Variants in CADM2 observed in about 807,000 individuals in gnomAD.
CADM2 encodes cell adhesion molecule 2, also known as immunoglobulin superfamily member 4D.
Under a neutral mutation model 49.8 loss-of-function variants are expected in CADM2, and 12 were observed. That is an observed-to-expected ratio of 0.24 (90% CI 0.15 to 0.39). The LOEUF (loss-of-function observed/expected upper bound fraction) is 0.39, where lower values mean the gene tolerates loss of function less well. Among genes scored for constraint, CADM2 ranks in the 10% least tolerant of loss-of-function variants. CADM2 has a pLI of 1.00. For missense variants in CADM2, 378 were observed against 492.3 expected, an observed-to-expected ratio of 0.77 and a Z score of 2.20; for synonymous variants, 214 against 175.4, an observed-to-expected ratio of 1.22 and a Z score of -1.74.
At chr3:85,413,155 A>ATAAT (rs1324247829) in intron 1 of CADM2, among the ~76,000 whole-genome samples, 6 of 142,812 alleles carry the variant, frequency 4.2e-5, no homozygotes, top group African/African-American at 1.6e-4. Context: ...AAAAAAAAAA[A>ATAAT]AAAAAAAATA....
chr3:84,974,701 A>T (rs1288675456), intron 1 of CADM2, among the ~76,000 whole-genome samples: 1 of 151,930 alleles, frequency 6.6e-6, no homozygotes, highest in Non-Finnish European at 1.5e-5. Flanking sequence ...TTGATTTTGT[A>T]TCATTGTTTT....
At chr3:85,289,447 G>A (rs2106925207) in intron 1 of CADM2, among the ~76,000 whole-genome samples, 1 of 152,274 alleles carries the variant, frequency 6.6e-6, no homozygotes, top group East Asian at 1.9e-4. Context: ...TTGACTCTAT[G>A]CTTGCAATAG....
At chr3:85,053,857 C>T (rs2035976059) in intron 1 of CADM2, among the ~76,000 whole-genome samples, 1 of 151,832 alleles carries the variant, frequency 6.6e-6, no homozygotes, top group African/African-American at 2.4e-5. Context: ...TTAGTACAAC[C>T]AATCAAAATC....
chr3:85,267,699 G>A (rs1253819798), intron 1 of CADM2, among the ~76,000 whole-genome samples: 1 of 151,382 alleles, frequency 6.6e-6, no homozygotes, highest in African/African-American at 2.4e-5. Context: ...CTAATAATAT[G>A]CCTGATGCAA....
chr3:85,343,388 T>A (rs2030156705), intron 1 of CADM2, among the ~76,000 whole-genome samples: 1 of 152,170 alleles, frequency 6.6e-6, no homozygotes, highest in South Asian at 2.1e-4. Flanking sequence ...GATCCAAATA[T>A]CTCTCGCTTA....
At chr3:85,224,436 T>C (rs2042107574) in intron 1 of CADM2, among the ~76,000 whole-genome samples, 1 of 152,188 alleles carries the variant, frequency 6.6e-6, no homozygotes, top group Non-Finnish European at 1.5e-5. Context: ...CACCCATTTT[T>C]TGATGGCATT....
intron 8 of CADM2, among the ~76,000 whole-genome samples, chr3:85,968,745 T>C (rs2108634995): frequency 6.6e-6 from 1 of 151,784 alleles, no homozygotes; most frequent in East Asian, 2.0e-4. Context: ...TACAGAGCTC[T>C]TCTACCCAAG....
At chr3:85,275,540 A>T (rs2043336958) in intron 1 of CADM2, among the ~76,000 whole-genome samples, 1 of 151,348 alleles carries the variant, frequency 6.6e-6, no homozygotes, top group Non-Finnish European at 1.5e-5. Flanking sequence ...CTTTTTAATA[A>T]AAATATAAAA....
chr3:85,785,207 T>A (rs966175767), intron 2 of CADM2, among the ~76,000 whole-genome samples: 8 of 152,158 alleles, frequency 5.3e-5, no homozygotes, highest in African/African-American at 1.9e-4. Flanking sequence ...TGGTCAATTT[T>A]ATCTTTTCAA....
intron 2 of CADM2, among the ~76,000 whole-genome samples, chr3:85,736,521 A>G (rs2068145229): frequency 6.6e-6 from 1 of 152,318 alleles, no homozygotes; most frequent in Admixed American, 6.5e-5. Context: ...GGACTAAAAG[A>G]CAGCAAGTAG....
At chr3:85,370,058 CA>C (rs1377995293) in intron 1 of CADM2, among the ~76,000 whole-genome samples, 1 of 151,400 alleles carries the variant, frequency 6.6e-6, no homozygotes, top group Non-Finnish European at 1.5e-5. Flanking sequence ...ACTAAAAATA[CA>C]AAAATTAGCT....
At chr3:85,086,696 A>G (rs1042074360) in intron 1 of CADM2, among the ~76,000 whole-genome samples, 4 of 151,898 alleles carry the variant, frequency 2.6e-5, no homozygotes, top group Admixed American at 2.0e-4. Context: ...TTTTTAGTAG[A>G]CACGGTTTCA....
rs556691246 is a variant in CADM2 at position 85,736,138 on chromosome 3, TAAA to T, written c.88+9594_88+9596del. 2.8e-4 allele frequency among the ~76,000 whole-genome samples: 42 copies of T among 150,814 alleles called. No individual in the cohort carries two copies. In the East Asian group the frequency reaches 7.8e-3, roughly 28 times the overall value. On this transcript the variant is annotated intron_variant, in intron 2 of 9. Coordinates refer to ENST00000383699, the MANE Select transcript of CADM2 (RefSeq NM_001167675.2). ...AAGGTGTCAGAGAAAAAGAAGAAAATAAAAAAGAAAATAAAATAAAACGAAAGA... is the reference window on the plus strand; with the variant it reads ...AAGGTGTCAGAGAAAAAGAAGAAAATAAAGAAAATAAAATAAAACGAAAGA...
intron 1 of CADM2, among the ~76,000 whole-genome samples, chr3:85,031,710 CG>C (rs2034992515): frequency 6.6e-6 from 1 of 151,446 alleles, no homozygotes; most frequent in African/African-American, 2.4e-5. Flanking sequence ...TTAGTAGATA[CG>C]GGGTTTCACA....
rs187656026 is a variant in CADM2 at position 85,509,464 on chromosome 3, C to T, written c.62-217058C>T. 6.6e-4 allele frequency among the ~76,000 whole-genome samples: 101 copies of T among 152,160 alleles called. 3 individuals are homozygous for T. The East Asian group carries it at 0.019, about 29-fold the overall frequency. Reference sequence around the variant, plus strand: ...GGAAATTGATATACTATTTAGCTTTCTCCAGTGACTGCATTTCAGAAAAAT... The same window carrying T: ...GGAAATTGATATACTATTTAGCTTTTTCCAGTGACTGCATTTCAGAAAAAT... On this transcript the variant is annotated intron_variant, in intron 1 of 9. Transcript: ENST00000383699.
At chr3:85,384,494 A>G (rs994830189) in intron 1 of CADM2, among the ~76,000 whole-genome samples, 5 of 151,944 alleles carry the variant, frequency 3.3e-5, no homozygotes, top group African/African-American at 1.2e-4. Flanking sequence ...TTGTATTCTT[A>G]GTAGAGACGA....
At chr3:85,694,464 A>C (rs577214312) in intron 1 of CADM2, among the ~76,000 whole-genome samples, 1 of 152,310 alleles carries the variant, frequency 6.6e-6, no homozygotes, top group South Asian at 2.1e-4. Context: ...TGAATCTTGG[A>C]CTTCCAGACT....
intron 1 of CADM2, among the ~76,000 whole-genome samples, chr3:85,396,585 T>C (rs1438458076): frequency 2.0e-5 from 3 of 152,070 alleles, no homozygotes; most frequent in Non-Finnish European, 2.9e-5. Context: ...TATGGATAGA[T>C]GATTTTTTGC....
chr3:85,049,648 C>A (rs996280986), intron 1 of CADM2, among the ~76,000 whole-genome samples: 1 of 152,038 alleles, frequency 6.6e-6, no homozygotes, highest in Non-Finnish European at 1.5e-5. Context: ...CTGTGCCTGG[C>A]AAATATTTTT....
Sources: allele counts gnomAD v4.1 joint callset (sites outside exome capture counted in the v4.1 genomes callset), GRCh38; gene constraint gnomAD v4.1.1; transcripts MANE v1.5; gene names NCBI Gene and HGNC (gene_info 2026-07-23, HGNC 2026-07-21).